Variants in IQCH observed in about 807,000 individuals in gnomAD.
The protein encoded by IQCH is IQ motif containing H.
A neutral mutation model predicts 117.0 loss-of-function variants in IQCH; 98 were observed. The ratio of observed to expected loss-of-function variants is 0.84; its 90% CI spans 0.71 to 0.99. The LOEUF is 0.99. IQCH is among the 50% of genes least tolerant of loss of function. IQCH has a pLI of 0.00. For missense variants in IQCH, 1,102 were observed against 1,243.8 expected (o/e 0.89, Z 1.72); for synonymous variants, 412 against 448.2 (o/e 0.92, Z 1.02).
At chr15:67,334,597 G>C (rs1021323624) in intron 4 of IQCH, among the ~76,000 whole-genome samples, 3 of 152,000 alleles carry the variant, frequency 2.0e-5, no homozygotes, top group African/African-American at 7.3e-5. Context: ...GAATCACCTG[G>C]GGAGCTTTCT....
intron 4 of IQCH, among the ~76,000 whole-genome samples, chr15:67,290,960 A>G (rs1347731137): frequency 6.6e-6 from 1 of 152,156 alleles, no homozygotes; most frequent in African/African-American, 2.4e-5. Flanking sequence ...GGCCAGGAAC[A>G]CTAAACTTTC....
chr15:67,312,875 A>G (rs1346922345), intron 4 of IQCH, among the ~76,000 whole-genome samples: 3 of 152,180 alleles, frequency 2.0e-5, no homozygotes, highest in Admixed American at 6.5e-5. Flanking sequence ...TGTGTTCTCC[A>G]GTATTCTAAC....
chr15:67,395,734 A>ATTTG lies in IQCH; in HGVS notation c.1905+174_1905+175insGTTT, dbSNP rs1971447995. ...TATTTATTTATTTATTTATTTATTT[A>ATTTG]TTTTTGAGATGGAGTCTCACTCTGT... On this transcript the variant is annotated intron_variant, in intron 13 of 20. Coordinates refer to ENST00000335894, the MANE Select transcript of IQCH (RefSeq NM_001031715.3). The surrounding 1 kb of genome is among the most constrained non-coding windows in gnomAD (Gnocchi z 4.0). Among the ~76,000 whole-genome samples the ATTTG allele has an allele frequency of 1.4e-5, 2 of 144,348 alleles. No homozygotes were observed. The highest frequency in any genetic ancestry group is 5.0e-5 in the African/African-American group (2 of 40,010). The allele number at this position is 144,348 out of a possible 152,430, so 94.7% of individuals were successfully genotyped here.
At chr15:67,486,047 T>C (rs1178914851) in intron 18 of IQCH, among the ~76,000 whole-genome samples, 1 of 147,030 alleles carries the variant, frequency 6.8e-6, no homozygotes, top group Admixed American at 6.8e-5. Context: ...TCTTTTTTTT[T>C]TTTTTTTTTT....
At chr15:67,337,386 T>C (rs1245980968) in intron 5 of IQCH, among the ~76,000 whole-genome samples, 1 of 152,224 alleles carries the variant, frequency 6.6e-6, no homozygotes, top group Non-Finnish European at 1.5e-5. Flanking sequence ...TGTGATAGCA[T>C]TAGAATTTAT....
In IQCH at chr15:67,372,445, A is replaced by G. The variant is rs1489250093; in HGVS notation, c.1088A>G (p.Tyr363Cys). 1 of 1,614,122 alleles carries G rather than the reference A, an allele frequency of 6.2e-7. No individual in the cohort carries two copies. The highest frequency in any genetic ancestry group is 8.5e-7 in the Non-Finnish European group (1 of 1,179,998). ...QMLINLPGQR[Y>C]KGQDGNSEAA... is the part of the protein sequence containing the mutation. ...CTGATAAATCTTCCAGGGCAAAGGT[A>G]CAAGGGCCAAGATGGAAATTCGGAG... Residue 363 changes from tyrosine to cysteine, a missense_variant, in exon 9 of 21, where the codon TAC (tyrosine) becomes TGC (cysteine). By Grantham distance (194) the Tyr-to-Cys change is radical. This residue lies in a region of IQCH where 452 missense variants were observed against 449.6 expected (regional missense o/e 1.01). Coordinates refer to ENST00000335894, the MANE Select transcript of IQCH (RefSeq NM_001031715.3).
rs529310228 is a variant in IQCH, at chr15:67,296,132, G to A, written c.387+16620G>A. On this transcript the variant is annotated intron_variant, in intron 4 of 20. Transcript: ENST00000335894. Reference sequence around the variant, plus strand: ...TAAGATCCACATGGGCAGGGACTTCGTCTGTCCTGTTTCTAAAACCTACTA... The same window carrying A: ...TAAGATCCACATGGGCAGGGACTTCATCTGTCCTGTTTCTAAAACCTACTA... Among the ~76,000 whole-genome samples, 16 of 152,296 alleles carry A rather than the reference G, an allele frequency of 1.1e-4. 1 individual carries two copies. The South Asian group carries it at 2.5e-3, about 24-fold the overall frequency.
rs1053900063 is a variant in IQCH, at chr15:67,391,201, G to T, written c.1632+2195G>T. ...GTATAGGTTTACATCTTTGTGAGTA[G>T]AAACAAGTAGGCAAGGTTTTAAGTA... On this transcript the variant is annotated intron_variant, in intron 12 of 20. Coordinates refer to ENST00000335894, the MANE Select transcript of IQCH (RefSeq NM_001031715.3). The surrounding 1 kb of genome is among the most constrained non-coding windows in gnomAD (Gnocchi z 4.3). 2.6e-5 allele frequency among the ~76,000 whole-genome samples: 4 copies of T among 152,170 alleles called. No homozygotes were observed. The highest frequency in any genetic ancestry group is 9.6e-5 in the African/African-American group (4 of 41,466).
intron 16 of IQCH, among the ~76,000 whole-genome samples, chr15:67,429,481 G>C (rs1380663929): frequency 6.6e-6 from 1 of 152,138 alleles, no homozygotes; most frequent in Non-Finnish European, 1.5e-5. Flanking sequence ...TCGTGCCACT[G>C]CACTCCAGCT....
intron 17 of IQCH, among the ~76,000 whole-genome samples, chr15:67,470,040 C>T (rs922553630): frequency 6.6e-6 from 1 of 152,206 alleles, no homozygotes; most frequent in African/African-American, 2.4e-5. Flanking sequence ...CCCTGTGTGA[C>T]GAGGTTGTCT....
chr15:67,354,121 T>C (rs1969787122), intron 6 of IQCH, among the ~76,000 whole-genome samples: 1 of 152,194 alleles, frequency 6.6e-6, no homozygotes, highest in African/African-American at 2.4e-5. Flanking sequence ...CAACTGATTT[T>C]ATGGAGCTAT....
At chr15:67,389,068 A>G in intron 12 of IQCH, 62 bp downstream of exon 12, 1 of 1,315,646 alleles carries the variant, frequency 7.6e-7, no homozygotes, top group Non-Finnish European at 1.1e-6. Context: ...TGGAAATTTT[A>G]ATAACTTGCA....
intron 8 of IQCH, among the ~76,000 whole-genome samples, chr15:67,363,403 A>G (rs920064184): frequency 1.4e-5 from 2 of 142,910 alleles, no homozygotes; most frequent in Non-Finnish European, 3.1e-5. Context: ...ACCCAGCTAA[A>G]TTTTTTTTTT....
At chr15:67,314,287 C>T (rs1184279364) in intron 4 of IQCH, among the ~76,000 whole-genome samples, 1 of 151,922 alleles carries the variant, frequency 6.6e-6, no homozygotes, top group Non-Finnish European at 1.5e-5. Flanking sequence ...ACCCCCATCC[C>T]CCACCCAACT....
rs1971968582 is a variant in IQCH, at chr15:67,407,817, C to A, written c.2097+7512C>A. 6.6e-6 allele frequency: 1 copy of A among 152,186 alleles called. No homozygotes were observed. The highest frequency in any genetic ancestry group is 2.1e-4 in the South Asian group (1 of 4,832). The allele number at this position is 152,186 out of a possible 1,614,324, so 9.4% of individuals were successfully genotyped here. On this transcript the variant is annotated intron_variant, in intron 14 of 20. Transcript: ENST00000335894. This position sits in a 1 kb window ranked among gnomAD's most constrained non-coding sequence, Gnocchi z 5.3. ...TTATTCTAAAAATGCACAGATCCCACAGTCTGGAAACACTCTACCTTCCAG... is the reference window on the plus strand; with the variant it reads ...TTATTCTAAAAATGCACAGATCCCAAAGTCTGGAAACACTCTACCTTCCAG...
At chr15:67,358,202 C>CTTTTTTTTTTTTTTTTTTTTTTTTT (rs1555462676) in intron 7 of IQCH, among the ~76,000 whole-genome samples, 1 of 5,978 alleles carries the variant, frequency 1.7e-4, no homozygotes, top group African/African-American at 5.5e-4. Flanking sequence ...GAGGCACTTT[C>CTTTTTTTTTTTTTTTTTTTTTTTTT]TTTTCTTTTT....
At chr15:67,325,371 G>T (rs934225353) in intron 4 of IQCH, among the ~76,000 whole-genome samples, 7 of 151,648 alleles carry the variant, frequency 4.6e-5, no homozygotes, top group African/African-American at 1.5e-4. Context: ...ACATCATCTT[G>T]TATGCTTTAA....
At position 67,386,928 on chromosome 15, in the gene IQCH, CAT is replaced by C. The variant is rs1567146751; in HGVS notation, c.1457-1902_1457-1901del. On this transcript the variant is annotated intron_variant, in intron 11 of 20. Transcript: ENST00000335894. This position sits in a 1 kb window ranked among gnomAD's most constrained non-coding sequence, Gnocchi z 5.0. ...TTAACAGGAAAGGTGAAATTGGCAACATGATTCCTTTTATCATTTGTAACCTA... is the reference window on the plus strand; with the variant it reads ...TTAACAGGAAAGGTGAAATTGGCAACGATTCCTTTTATCATTTGTAACCTA... Among the ~76,000 whole-genome samples, 2 of 152,096 alleles carry C rather than the reference CAT, an allele frequency of 1.3e-5. No individual in the cohort carries two copies. Among genetic ancestry groups the C allele is most frequent in the Non-Finnish European group, 2.9e-5 (2 of 68,016 alleles).
chr15:67,379,928 C>T (rs1970866611), intron 10 of IQCH, among the ~76,000 whole-genome samples: 2 of 152,144 alleles, frequency 1.3e-5, no homozygotes, highest in East Asian at 1.9e-4. Context: ...TCTCAGCTCA[C>T]CGCAACCTCC....
Sources: allele counts gnomAD v4.1 joint callset (sites outside exome capture counted in the v4.1 genomes callset), GRCh38; gene constraint gnomAD v4.1.1; regional missense constraint gnomAD v4.1.1; non-coding constraint Gnocchi (gnomAD v3.1); transcripts MANE v1.5; gene names NCBI Gene and HGNC (gene_info 2026-07-23, HGNC 2026-07-21).